Variants in SGCD observed in about 807,000 individuals in gnomAD.
SGCD encodes the protein sarcoglycan delta, also known as delta-sarcoglycan.
A neutral mutation model predicts 36.6 loss-of-function variants in SGCD; 18 were observed. That is an observed-to-expected ratio of 0.49 (90% CI 0.34 to 0.73). SGCD has a LOEUF of 0.73. Ranked by LOEUF, SGCD falls within the 30% of genes least tolerant of loss-of-function variation. The pLI is 0.01. For synonymous variants in SGCD, 133 were observed against 130.6 expected (o/e 1.02, Z -0.12); for missense variants, 387 against 346.7 (o/e 1.12, Z -0.92).
chr5:156,383,444 C>T (rs1015922359), intron 3 of SGCD, among the ~76,000 whole-genome samples: 10 of 152,048 alleles, frequency 6.6e-5, no homozygotes, highest in Non-Finnish European at 1.3e-4. Context: ...GCGGAGGTTA[C>T]AGTGGGCCAA....
At chr5:156,225,389 A>G (rs1764825306) in intron 3 of SGCD, among the ~76,000 whole-genome samples, 1 of 152,156 alleles carries the variant, frequency 6.6e-6, no homozygotes, top group Non-Finnish European at 1.5e-5. Context: ...AACTTTTATG[A>G]GCACAACTGA....
chr5:156,417,220 T>G (rs1187696084), intron 3 of SGCD, among the ~76,000 whole-genome samples: 1 of 152,224 alleles, frequency 6.6e-6, no homozygotes, highest in Non-Finnish European at 1.5e-5. Context: ...ATCCTCAATT[T>G]CTATTTTTAC....
intron 3 of SGCD, among the ~76,000 whole-genome samples, chr5:156,242,513 A>G (rs530035233): frequency 6.6e-6 from 1 of 152,332 alleles, no homozygotes; most frequent in South Asian, 2.1e-4. Flanking sequence ...CTGAATAATT[A>G]GTTAGTTATA....
rs939514012 is a variant in SGCD, at chr5:156,340,047, C to A, written c.4-4442C>A. On this transcript the variant is annotated intron_variant, in intron 2 of 8. Coordinates refer to ENST00000337851, the MANE Select transcript of SGCD (RefSeq NM_000337.6). ...ATTGATGGTTGTAATGTAGAATGCACACAACTTTACACAAAGTTACACATG... is the reference window on the plus strand; with the variant it reads ...ATTGATGGTTGTAATGTAGAATGCAAACAACTTTACACAAAGTTACACATG... Among the ~76,000 whole-genome samples, 7 of 152,270 alleles carry A rather than the reference C, an allele frequency of 4.6e-5. No individual in the cohort carries two copies. The South Asian group carries it at 1.0e-3, about 23-fold the overall frequency.
chr5:156,609,830 A>G (rs1761691131), intron 6 of SGCD, among the ~76,000 whole-genome samples: 1 of 152,128 alleles, frequency 6.6e-6, no homozygotes, highest in South Asian at 2.1e-4. Flanking sequence ...CTTCCAGTTG[A>G]TCGAATCGGC....
At chr5:156,488,238 C>A (rs1755790361) in intron 3 of SGCD, among the ~76,000 whole-genome samples, 1 of 150,332 alleles carries the variant, frequency 6.7e-6, no homozygotes, top group Non-Finnish European at 1.5e-5. Flanking sequence ...TGGACAATGG[C>A]ATAGAAATCC....
chr5:155,907,300 A>T (rs898644608), intron 1 of SGCD, among the ~76,000 whole-genome samples: 1 of 152,144 alleles, frequency 6.6e-6, no homozygotes, highest in African/African-American at 2.4e-5. Flanking sequence ...ATGTACAAGG[A>T]GATGAGTGTT....
chr5:156,605,206 C>A (rs975246272), intron 6 of SGCD, among the ~76,000 whole-genome samples: 7 of 152,140 alleles, frequency 4.6e-5, no homozygotes, highest in African/African-American at 1.4e-4. Flanking sequence ...CCCTCTCCCC[C>A]CACCCAACAA....
At chr5:156,710,175 TG>T (rs1754924833) in intron 7 of SGCD, among the ~76,000 whole-genome samples, 1 of 152,108 alleles carries the variant, frequency 6.6e-6, no homozygotes, top group Non-Finnish European at 1.5e-5. Context: ...ATTCAGAAAA[TG>T]CATATATTTA....
intron 3 of SGCD, among the ~76,000 whole-genome samples, chr5:156,196,365 A>G (rs12054855): frequency 0.24 from 36,886 of 152,140 alleles, 4,875 homozygotes; most frequent in East Asian, 0.6. Context: ...AACATACCAA[A>G]TGCAGCCTTA....
chr5:155,942,334 GTATCTATC>G (rs67577711), intron 1 of SGCD, among the ~76,000 whole-genome samples: 1 of 138,414 alleles, frequency 7.2e-6, no homozygotes, highest in Non-Finnish European at 1.5e-5. Flanking sequence ...ATGTATGTAT[GTATCTATC>G]TATCTATCTA....
intron 8 of SGCD, among the ~76,000 whole-genome samples, chr5:156,758,612 G>A (rs1002045921): frequency 1.3e-5 from 2 of 152,140 alleles, no homozygotes; most frequent in African/African-American, 4.8e-5. Context: ...TATAAAAATA[G>A]TGGCTACCTC....
At chr5:156,357,872 C>T (rs1470281901) in intron 3 of SGCD, among the ~76,000 whole-genome samples, 1 of 152,164 alleles carries the variant, frequency 6.6e-6, no homozygotes, top group Non-Finnish European at 1.5e-5. Flanking sequence ...GTACTATGGT[C>T]AACCCCCCAA....
At chr5:156,429,729 T>C (rs1231281739) in intron 3 of SGCD, among the ~76,000 whole-genome samples, 1 of 152,162 alleles carries the variant, frequency 6.6e-6, no homozygotes, top group African/African-American at 2.4e-5. Context: ...GCAAATTCTC[T>C]CAGCATTTGT....
intron 1 of SGCD, among the ~76,000 whole-genome samples, chr5:156,093,680 A>T: frequency 6.6e-6 from 1 of 152,088 alleles, no homozygotes. Flanking sequence ...CAGGATCAGG[A>T]TTATTATTTG....
At chr5:156,755,556 A>G (rs972408510) in intron 7 of SGCD, among the ~76,000 whole-genome samples, 70 of 152,214 alleles carry the variant, frequency 4.6e-4, no homozygotes, top group African/African-American at 1.7e-3. Flanking sequence ...CTGCACAGAC[A>G]TCACTTTCTG....
Position 156,056,274 on chromosome 5 carries a change from G to A in SGCD, c.-281-61604G>A. ...GTTTATAGTTTAACTCTGAAACAAA[G>A]ATGATAACAGCCCTTTACTGAAACA... On this transcript the variant is annotated intron_variant, in intron 1 of 9. Transcript: ENST00000517913. 1.4e-5 allele frequency among the ~76,000 whole-genome samples: 2 copies of A among 145,994 alleles called. 1 individual carries two copies.
In SGCD at chr5:156,391,476, AAAAAG is replaced by A. The variant is rs544150801; in HGVS notation, c.192+46809_192+46813del. ...CCACAGATAGAAAGTATTTAAAACA[AAAAAG>A]AAAAGAAAAAGGATAGTTGCATCTG... On this transcript the variant is annotated intron_variant, in intron 3 of 8. Coordinates refer to ENST00000337851, the MANE Select transcript of SGCD (RefSeq NM_000337.6). Among the ~76,000 whole-genome samples the A allele has an allele frequency of 1.2e-4, 19 of 152,372 alleles. No individual in the cohort carries two copies. The South Asian group carries it at 3.9e-3, about 32-fold the overall frequency.
intron 1 of SGCD, among the ~76,000 whole-genome samples, chr5:155,987,507 CT>C (rs1197374651): frequency 6.6e-6 from 1 of 152,204 alleles, no homozygotes; most frequent in East Asian, 1.9e-4. Flanking sequence ...AATTATCTAT[CT>C]CTAACAGAGA....
Sources: gnomAD v4.1 joint callset for allele counts (sites outside exome capture counted in the v4.1 genomes callset) on GRCh38, gnomAD v4.1.1 for gene constraint, MANE v1.5 for transcripts, NCBI Gene and HGNC (gene_info 2026-07-23, HGNC 2026-07-21) for gene names.